The following NTRK2 variants were observed in gnomAD, a reference collection of about 807,000 sequenced individuals.
NTRK2 encodes neurotrophic receptor tyrosine kinase 2, also known as BDNF/NT-3 growth factors receptor.
In NTRK2, 13 loss-of-function variants were observed where a neutral mutation model predicts 94.5. The ratio of observed to expected loss-of-function variants is 0.14; its 90% CI spans 0.09 to 0.22. NTRK2 has a LOEUF of 0.22. Among genes scored for constraint, NTRK2 ranks in the 10% least tolerant of loss-of-function variants. The pLI is 1.00. For missense variants in NTRK2, 639 were observed against 1,071.2 expected, an observed-to-expected ratio of 0.60 and a Z score of 5.63; for synonymous variants, 372 against 407.4, an observed-to-expected ratio of 0.91 and a Z score of 1.05.
chr9:84,763,463 T>TA lies in NTRK2; in HGVS notation c.1396+11378_1396+11379insA, dbSNP rs1475389449. Reference sequence around the variant, plus strand: ...CATCATATATGTGGATCTTGGTTTTTTTTTTCCCTCCAGCTTTTTACTGTA... The same window carrying TA: ...CATCATATATGTGGATCTTGGTTTTTATTTTTCCCTCCAGCTTTTTACTGTA... On this transcript the variant is annotated intron_variant, in intron 12 of 18. Coordinates refer to ENST00000277120, the MANE Select transcript of NTRK2 (RefSeq NM_006180.6). 3.3e-5 allele frequency among the ~76,000 whole-genome samples: 5 copies of TA among 152,274 alleles called. No homozygotes were observed. In the East Asian group the frequency reaches 9.6e-4, roughly 29 times the overall value.
At chr9:84,802,762 C>G (rs1216251174) in intron 12 of NTRK2, among the ~76,000 whole-genome samples, 3 of 152,080 alleles carry the variant, frequency 2.0e-5, no homozygotes, top group African/African-American at 7.2e-5. Context: ...TTTAATGGGG[C>G]TTTTTGAAAT....
At chr9:84,929,373 G>A (rs1031088619) in intron 14 of NTRK2, among the ~76,000 whole-genome samples, 1 of 152,178 alleles carries the variant, frequency 6.6e-6, no homozygotes, top group African/African-American at 2.4e-5. Context: ...TGACAGGGTT[G>A]CCCAGACAGG....
intron 12 of NTRK2, among the ~76,000 whole-genome samples, chr9:84,815,990 TA>T (rs34917078): frequency 0.49 from 67,810 of 139,142 alleles, 18,374 homozygotes; most frequent in East Asian, 0.76. Flanking sequence ...AGGCAATCCT[TA>T]AAAAAAAAAA....
intron 14 of NTRK2, chr9:84,877,766 A>C (rs1231432720): frequency 1.9e-6 from 2 of 1,055,906 alleles, no homozygotes; most frequent in East Asian, 1.0e-4. Flanking sequence ...TGTATGTATG[A>C]GTGACCAATG....
chr9:84,933,161 C>T (rs1325656997), intron 14 of NTRK2, among the ~76,000 whole-genome samples: 1 of 152,158 alleles, frequency 6.6e-6, no homozygotes, highest in African/African-American at 2.4e-5. Context: ...TAATGCACTA[C>T]CATTCAGCAA....
At chr9:84,713,800 T>G (rs1183629880) in intron 6 of NTRK2, among the ~76,000 whole-genome samples, 1 of 152,084 alleles carries the variant, frequency 6.6e-6, no homozygotes, top group Non-Finnish European at 1.5e-5. Context: ...ACTGTGCTTT[T>G]TATATTTTTT....
In NTRK2 at chr9:84,745,057, G is replaced by T; in HGVS notation, c.1280G>T (p.Gly427Val). The change falls in exon 11 of 19, where the codon GGT becomes GTT. Residue 427 changes from glycine (G) to valine (V), a missense_variant. Transcript: ENST00000277120. Reference sequence around the variant, plus strand: ...TCCACAGACGTCACTGATAAAACCGGTCGGGAACATCTCTCGGTGAGTGGA... The same window carrying T: ...TCCACAGACGTCACTGATAAAACCGTTCGGGAACATCTCTCGGTGAGTGGA... ...IPSTDVTDKT[G>V]REHLSVYAVV... is the part of the protein sequence containing the mutation. 2 of 1,613,374 alleles carry T rather than the reference G, an allele frequency of 1.2e-6. No individual in the cohort carries two copies. Among genetic ancestry groups the T allele is most frequent in the Non-Finnish European group, 1.7e-6 (2 of 1,179,496 alleles).
At chr9:84,766,834 G>A (rs541434252) in intron 12 of NTRK2, among the ~76,000 whole-genome samples, 37 of 151,832 alleles carry the variant, frequency 2.4e-4, no homozygotes, top group Non-Finnish European at 4.7e-4. Flanking sequence ...CACATAATAT[G>A]CACACATTCA....
At chr9:84,742,555 C>T (rs376588304) in intron 10 of NTRK2, among the ~76,000 whole-genome samples, 1 of 152,150 alleles carries the variant, frequency 6.6e-6, no homozygotes, top group South Asian at 2.1e-4. Flanking sequence ...GGAAAGAGAA[C>T]TTCCCAAGAG....
intron 12 of NTRK2, among the ~76,000 whole-genome samples, chr9:84,821,837 G>C (rs1161550859): frequency 1.3e-5 from 2 of 151,940 alleles, no homozygotes; most frequent in Non-Finnish European, 2.9e-5. Flanking sequence ...GAGAGAGAGA[G>C]AGAGAGAGAG....
At chr9:84,753,188 C>T (rs564227922) in intron 12 of NTRK2, among the ~76,000 whole-genome samples, 1 of 152,150 alleles carries the variant, frequency 6.6e-6, no homozygotes, top group East Asian at 1.9e-4. Flanking sequence ...AAACCTCGTC[C>T]TGGTTCCTGC....
Position 84,797,066 on chromosome 9 carries a change from A to G in NTRK2, c.1396+44981A>G, listed in dbSNP as rs78640129. On this transcript the variant is annotated intron_variant, in intron 12 of 18. Transcript: ENST00000277120. The stretch of plus-strand genomic sequence containing the variant: ...GTCTTAATAAATTAGATTCTACCGC[A>G]TATTGAATATACCCTGTTAAGTATA... 1.4e-4 allele frequency among the ~76,000 whole-genome samples: 21 copies of G among 152,252 alleles called. 1 individual carries two copies. In the East Asian group the frequency reaches 4.1e-3, roughly 29 times the overall value.
At chr9:84,979,280 G>A (rs1012316426) in intron 17 of NTRK2, among the ~76,000 whole-genome samples, 2 of 152,228 alleles carry the variant, frequency 1.3e-5, no homozygotes, top group African/African-American at 4.8e-5. Flanking sequence ...TTTGTAGGAA[G>A]AGGTCAGACT....
chr9:84,996,029 C>A (rs1046648503), intron 17 of NTRK2, among the ~76,000 whole-genome samples: 1 of 152,144 alleles, frequency 6.6e-6, no homozygotes, highest in Non-Finnish European at 1.5e-5. Context: ...TTAAGTGTGA[C>A]AAGATGCTTA....
intron 5 of NTRK2, among the ~76,000 whole-genome samples, 172 bp from the exon 6 acceptor site, chr9:84,710,465 C>T (rs13293362): frequency 0.026 from 3,931 of 152,220 alleles, 75 homozygotes; most frequent in Admixed American, 0.047. Context: ...GGAGATGCTC[C>T]GTAAGTATCA....
intron 17 of NTRK2, among the ~76,000 whole-genome samples, chr9:84,995,224 T>C (rs1829594454): frequency 6.6e-6 from 1 of 152,146 alleles, no homozygotes; most frequent in Admixed American, 6.5e-5. Flanking sequence ...GAAAGCCCTG[T>C]TGGCTTCAGA....
At chr9:84,789,978 G>A (rs553162409) in intron 12 of NTRK2, among the ~76,000 whole-genome samples, 18 of 152,196 alleles carry the variant, frequency 1.2e-4, no homozygotes, top group East Asian at 3.9e-4. Context: ...CTGGATTTTC[G>A]TTCAAATGTT....
intron 6 of NTRK2, among the ~76,000 whole-genome samples, chr9:84,718,646 G>A (rs2061864797): frequency 6.6e-6 from 1 of 152,300 alleles, no homozygotes; most frequent in Non-Finnish European, 1.5e-5. Context: ...CAGCTGTAGG[G>A]CTTAGAGTCA....
At chr9:84,991,197 G>C (rs12380044) in intron 17 of NTRK2, among the ~76,000 whole-genome samples, 1 of 152,220 alleles carries the variant, frequency 6.6e-6, no homozygotes, top group African/African-American at 2.4e-5. Context: ...AGCAAAAACA[G>C]TAATTTGTTT....
Sources: gnomAD v4.1 joint callset for allele counts (sites outside exome capture counted in the v4.1 genomes callset) on GRCh38, gnomAD v4.1.1 for gene constraint, MANE v1.5 for transcripts, NCBI Gene and HGNC (gene_info 2026-07-23, HGNC 2026-07-21) for gene names.